The following CUL1 variants were observed in gnomAD, a reference collection of about 807,000 sequenced individuals.
The protein encoded by CUL1 is cullin 1.
In CUL1, 24 loss-of-function variants were observed where a neutral mutation model predicts 118.0. That is an observed-to-expected ratio of 0.20 (90% CI 0.15 to 0.29). The LOEUF is 0.29. CUL1 is among the 10% of genes least tolerant of loss of function. The pLI, the probability that CUL1 is intolerant of heterozygous loss-of-function variation, is 1.00. For synonymous variants in CUL1, 332 were observed against 340.4 expected (o/e 0.98, Z 0.27); for missense variants, 361 against 933.8 (o/e 0.39, Z 7.99).
Position 148,699,009 on chromosome 7 carries a change from TG to T in CUL1, c.-178del. 1 of 152,962 alleles carries T rather than the reference TG, an allele frequency of 6.5e-6. No homozygotes were observed. Among genetic ancestry groups the T allele is most frequent in the South Asian group, 1.8e-4 (1 of 5,594 alleles). 9.5% of individuals were successfully genotyped at this position (152,962 alleles called of 1,614,324 possible). A position where few individuals can be genotyped will look rare whatever the true frequency, so the allele number is the denominator to read the frequency against. ...CAGGCGGAGGCGTCGCGGGAGCCTTTGGGGCACCACAGAGATGCGGGTGAGT... is the reference window on the plus strand; with the variant it reads ...CAGGCGGAGGCGTCGCGGGAGCCTTTGGGCACCACAGAGATGCGGGTGAGT... On this transcript the variant is annotated 5_prime_UTR_variant, in exon 1 of 22. Transcript: ENST00000325222.
At chr7:148,774,148 C>T (rs1483410135) in intron 9 of CUL1, among the ~76,000 whole-genome samples, 1 of 152,176 alleles carries the variant, frequency 6.6e-6, no homozygotes, top group African/African-American at 2.4e-5. Context: ...CAGTCCGTTA[C>T]TCTTGTTAGA....
rs1187218112 is a variant in CUL1, at chr7:148,778,209, A to G, written c.1084-5574A>G. On this transcript the variant is annotated intron_variant, in intron 9 of 21. Transcript: ENST00000325222. ...TCTGAAGAACTGTTGGTTTCTGCTT[A>G]TTGAAAGAGGTGAGATGATACAGTA... is the stretch of plus-strand genomic sequence containing the variant. Among the ~76,000 whole-genome samples the G allele has an allele frequency of 4.6e-5, 7 of 151,330 alleles. No homozygotes were observed. In the East Asian group the frequency reaches 1.2e-3, roughly 26 times the overall value.
intron 17 of CUL1, among the ~76,000 whole-genome samples, chr7:148,794,277 G>A (rs979018581): frequency 3.9e-5 from 6 of 152,036 alleles, no homozygotes; most frequent in African/African-American, 9.6e-5. Context: ...ATTGTTTGTG[G>A]TTTTGGTGTC....
chr7:148,798,747 TG>T (rs2129463889), intron 20 of CUL1, 70 bp downstream of exon 20: 7 of 1,287,410 alleles, frequency 5.4e-6, no homozygotes, highest in Non-Finnish European at 7.9e-6. Context: ...GGACGGGCCG[TG>T]GGGGGTAGGC....
intron 1 of CUL1, among the ~76,000 whole-genome samples, chr7:148,700,474 CCAGT>C (rs1797688765): frequency 6.6e-6 from 1 of 152,072 alleles, no homozygotes; most frequent in Non-Finnish European, 1.5e-5. Flanking sequence ...AAATGTAAAA[CCAGT>C]CATTCTGTTT....
intron 2 of CUL1, 40 bp from the exon 3 acceptor site, chr7:148,753,936 C>T (rs770666390): frequency 1.4e-5 from 21 of 1,450,796 alleles, no homozygotes; most frequent in Middle Eastern, 3.6e-4. Flanking sequence ...TGACCGTTAA[C>T]GTCTGTGATA....
chr7:148,776,369 T>A (rs1013216353), intron 9 of CUL1, among the ~76,000 whole-genome samples: 8 of 125,498 alleles, frequency 6.4e-5, no homozygotes, highest in African/African-American at 2.5e-4. Flanking sequence ...CAGGCTGGAG[T>A]GCAGTGGCAT....
At chr7:148,729,798 G>A (rs570523389) in intron 1 of CUL1, among the ~76,000 whole-genome samples, 164 bp from the exon 2 acceptor site, 26 of 152,268 alleles carry the variant, frequency 1.7e-4, no homozygotes, top group African/African-American at 4.6e-4. Flanking sequence ...AATTCTAAGC[G>A]TATTTTTGTA....
intron 1 of CUL1, among the ~76,000 whole-genome samples, 165 bp from the exon 2 acceptor site, chr7:148,729,797 C>T (rs1220696297): frequency 6.6e-6 from 1 of 152,106 alleles, no homozygotes; most frequent in Non-Finnish European, 1.5e-5. Context: ...AAATTCTAAG[C>T]GTATTTTTGT....
At chr7:148,745,308 C>T (rs1261091510) in intron 2 of CUL1, among the ~76,000 whole-genome samples, 1 of 152,088 alleles carries the variant, frequency 6.6e-6, no homozygotes, top group Admixed American at 6.5e-5. Flanking sequence ...TCTTTGTCTC[C>T]TAATTCCAAC....
At chr7:148,776,313 T>A in intron 9 of CUL1, among the ~76,000 whole-genome samples, 1 of 91,136 alleles carries the variant, frequency 1.1e-5, no homozygotes, top group Non-Finnish European at 2.2e-5. Context: ...CAGGCTTTTT[T>A]TTTTTTTTTT....
chr7:148,792,185 CAA>C (rs11340035), intron 16 of CUL1, among the ~76,000 whole-genome samples: 139 of 143,704 alleles, frequency 9.7e-4, no homozygotes, highest in Middle Eastern at 3.7e-3. Flanking sequence ...GACTTTGTCT[CAA>C]AAAAAAAAAA....
intron 2 of CUL1, among the ~76,000 whole-genome samples, chr7:148,746,095 G>T (rs1009699103): frequency 6.6e-6 from 1 of 151,900 alleles, no homozygotes; most frequent in Non-Finnish European, 1.5e-5. Context: ...GCCTGTGTGT[G>T]TGTGAGGTCC....
chr7:148,792,007 C>T (rs1053681930), intron 16 of CUL1, among the ~76,000 whole-genome samples: 5 of 152,138 alleles, frequency 3.3e-5, no homozygotes, highest in African/African-American at 9.6e-5. Flanking sequence ...GCCAGCATGG[C>T]GAAACCCCAT....
intron 2 of CUL1, among the ~76,000 whole-genome samples, chr7:148,737,576 A>ATTTATT (rs1474044764): frequency 1.3e-4 from 16 of 127,044 alleles, no homozygotes; most frequent in African/African-American, 3.0e-4. Context: ...ATATATTTTT[A>ATTTATT]TATTTATTTA....
chr7:148,785,053 G>A (rs73745379), intron 11 of CUL1, among the ~76,000 whole-genome samples: 4,383 of 152,198 alleles, frequency 0.029, 206 homozygotes, highest in African/African-American at 0.1. Flanking sequence ...CCAACTATGT[G>A]ACCTTTTTGG....
chr7:148,797,687 C>CTCTT (rs1801251591), intron 17 of CUL1, 125 bp from the exon 18 acceptor site: 3 of 717,704 alleles, frequency 4.2e-6, no homozygotes, highest in Admixed American at 3.2e-5. Context: ...TTCCAGCATA[C>CTCTT]TCTTCTTTTG....
intron 9 of CUL1, chr7:148,783,363 C>T (rs990669768): frequency 3.0e-6 from 3 of 985,288 alleles, no homozygotes; most frequent in African/African-American, 1.7e-5. Flanking sequence ...CCCGCTTTCC[C>T]TCGCGTTGCC....
intron 9 of CUL1, among the ~76,000 whole-genome samples, chr7:148,772,168 A>T (rs570542407): frequency 6.6e-6 from 1 of 152,318 alleles, no homozygotes; most frequent in Admixed American, 6.5e-5. Flanking sequence ...TAATCCCAGA[A>T]CTTTGGGAGG....
Sources: allele counts gnomAD v4.1 joint callset (sites outside exome capture counted in the v4.1 genomes callset), GRCh38; gene constraint gnomAD v4.1.1; transcripts MANE v1.5; gene names NCBI Gene and HGNC (gene_info 2026-07-23, HGNC 2026-07-21).